Variants in KRT78 observed in about 807,000 individuals in gnomAD.
KRT78 encodes the protein keratin 78.
Under a neutral mutation model 51.4 loss-of-function variants are expected in KRT78, and 55 were observed. The ratio of observed to expected loss-of-function variants is 1.07; its 90% CI spans 0.86 to 1.34. The LOEUF is 1.34. Among genes scored for constraint, KRT78 ranks in the 40% most tolerant of loss-of-function variants. The probability of loss-of-function intolerance (pLI) is 0.00; values close to 1 mark genes in which losing one functional copy is unlikely to be tolerated. For missense variants in KRT78, 652 were observed against 649.4 expected (o/e 1.00, Z -0.04); for synonymous variants, 291 against 264.3 (o/e 1.10, Z -0.98).
At position 52,839,221 on chromosome 12, in the gene KRT78, G is replaced by C; in HGVS notation, c.1455C>G (p.Asp485Glu). The change falls in exon 9 of 9, where the codon GAC (aspartate) becomes GAG (glutamate). Residue 485 changes from aspartate (D) to glutamate (E), a missense_variant. Asp to Glu is a conservative substitution (Grantham distance 45). Coordinates refer to ENST00000304620, the MANE Select transcript of KRT78 (RefSeq NM_173352.4). ...ACACAGAGCAGGAATCCAAAACAGG[G>C]TCCTTCCCAGAGCCCAGAATGATGT... Reference protein sequence around the residue: ...GSNIILGSGKDPVLDSCSVSG... With the variant: ...GSNIILGSGKEPVLDSCSVSG... 1 of 1,612,080 alleles carries C rather than the reference G, an allele frequency of 6.2e-7. No homozygotes were observed. Among genetic ancestry groups the C allele is most frequent in the Non-Finnish European group, 8.5e-7 (1 of 1,179,332 alleles).
intron 3 of KRT78, 91 bp from the exon 4 acceptor site, chr12:52,846,383 C>T: frequency 2.5e-6 from 2 of 808,242 alleles, no homozygotes; most frequent in Middle Eastern, 2.2e-4. Context: ...CACTGCTCAA[C>T]ACCCATCCAC....
chr12:52,845,322 T>C (rs1940615436), intron 4 of KRT78, among the ~76,000 whole-genome samples: 1 of 152,064 alleles, frequency 6.6e-6, no homozygotes, highest in Non-Finnish European at 1.5e-5. Context: ...AGACCTCTTA[T>C]CATACTCCTC....
In KRT78 at chr12:52,838,254, G is replaced by C. The variant is rs974101667; in HGVS notation, c.*859C>G. On this transcript the variant is annotated 3_prime_UTR_variant, in exon 9 of 9. Transcript: ENST00000304620. Reference sequence around the variant, plus strand: ...GAGGCTGCTGGGGGTGTGTAGAAAAGGTGATCCTTCCAGCCCCTCCTGGCA... The same window carrying C: ...GAGGCTGCTGGGGGTGTGTAGAAAACGTGATCCTTCCAGCCCCTCCTGGCA... The C allele has an allele frequency of 6.6e-6, 1 of 152,140 alleles. No homozygotes were observed. Among genetic ancestry groups the C allele is most frequent in the African/African-American group, 2.4e-5 (1 of 41,406 alleles). The allele number at this position is 152,140 out of a possible 1,614,324, so 9.4% of individuals were successfully genotyped here.
In KRT78 at chr12:52,844,568, G is replaced by A. The variant is rs1592145721; in HGVS notation, c.912C>T (p.Tyr304=). The A allele has an allele frequency of 6.2e-7, 1 of 1,613,234 alleles. No individual in the cohort carries two copies. Among genetic ancestry groups the A allele is most frequent in the African/African-American group, 1.3e-5 (1 of 75,034 alleles). ...CCCCAGGTCCCACCACCTTGGTCTG[G>A]TACAAGGCCTCAGCCTCAGCCTTGC... ...RSSKAEAEAL[Y]QTKYQELQVS... Residue 304 remains tyrosine, a synonymous_variant, in exon 5 of 9, where the codon TAC becomes TAT. Transcript: ENST00000304620.
At chr12:52,846,316 A>AC (rs1360706632) in intron 3 of KRT78, 24 bp from the exon 4 acceptor site, 1 of 1,430,744 alleles carries the variant, frequency 7.0e-7, no homozygotes, top group East Asian at 2.3e-5. Context: ...GAGAGAGAAC[A>AC]CGTAACCCCC....
At position 52,838,131 on chromosome 12, in the gene KRT78, A is replaced by G. The variant is rs903522700; in HGVS notation, c.*982T>C. 1 of 151,922 alleles carries G rather than the reference A, an allele frequency of 6.6e-6. No individual in the cohort carries two copies. The highest frequency in any genetic ancestry group is 1.5e-5 in the Non-Finnish European group (1 of 68,006). The allele number at this position is 151,922 out of a possible 1,614,324, so 9.4% of individuals were successfully genotyped here. ...CTAAAGCAAGGAGAGGCGTAGTGTG[A>G]CCTCCTGCAGCCCAGACTATGGAGT... On this transcript the variant is annotated 3_prime_UTR_variant, in exon 9 of 9. Transcript: ENST00000304620.
chr12:52,847,728 G>C (rs372005980), intron 2 of KRT78, among the ~76,000 whole-genome samples, 179 bp downstream of exon 2: 1 of 152,036 alleles, frequency 6.6e-6, no homozygotes, highest in Non-Finnish European at 1.5e-5. Context: ...GGGACACCTC[G>C]TTTACCTGTA....
intron 6 of KRT78, among the ~76,000 whole-genome samples, chr12:52,840,449 T>C (rs572778191): frequency 3.7e-4 from 56 of 152,024 alleles, no homozygotes; most frequent in African/African-American, 1.3e-3. Flanking sequence ...ACGCCTGTAA[T>C]CCTAGCACTT....
At chr12:52,840,312 G>T (rs539337072) in intron 6 of KRT78, among the ~76,000 whole-genome samples, 2 of 151,982 alleles carry the variant, frequency 1.3e-5, no homozygotes, top group Non-Finnish European at 2.9e-5. Flanking sequence ...TGATCATATC[G>T]TACCATATTT....
intron 4 of KRT78, 23 bp from the exon 5 acceptor site, chr12:52,844,746 G>A: frequency 1.9e-6 from 3 of 1,591,478 alleles, no homozygotes; most frequent in Non-Finnish European, 2.6e-6. Flanking sequence ...CAGACTCAGT[G>A]TCCACTCACC....
chr12:52,844,831 C>A (rs944471546), intron 4 of KRT78, 108 bp from the exon 5 acceptor site: 1 of 1,081,706 alleles, frequency 9.2e-7, no homozygotes, highest in Non-Finnish European at 1.3e-6. Flanking sequence ...CCATGACCCC[C>A]ATTCATCCCA....
chr12:52,837,822 A>G lies in KRT78; in HGVS notation c.*1291T>C, dbSNP rs1052007195. On this transcript the variant is annotated 3_prime_UTR_variant, in exon 9 of 9. Transcript: ENST00000304620. Reference sequence around the variant, plus strand: ...GAAATTATACTTTTTCAAAAAGTCAATTTAATTGAACTACCTTGGATGAAT... The same window carrying G: ...GAAATTATACTTTTTCAAAAAGTCAGTTTAATTGAACTACCTTGGATGAAT... 1 of 152,270 alleles carries G rather than the reference A, an allele frequency of 6.6e-6. No individual in the cohort carries two copies. Among genetic ancestry groups the G allele is most frequent in the Non-Finnish European group, 1.5e-5 (1 of 68,054 alleles). 9.4% of individuals were successfully genotyped at this position (152,270 alleles called of 1,614,324 possible).
At chr12:52,843,557 G>T (rs1423467325) in intron 6 of KRT78, among the ~76,000 whole-genome samples, 4 of 148,444 alleles carry the variant, frequency 2.7e-5, no homozygotes, top group Non-Finnish European at 4.5e-5. Context: ...AAGCATGGTG[G>T]CACATGCCTG....
Position 52,848,170 on chromosome 12 carries a change from C to G in KRT78, c.385-49G>C, listed in dbSNP as rs536488672. On this transcript the variant is annotated intron_variant, in intron 1 of 8. Coordinates refer to ENST00000304620, the MANE Select transcript of KRT78 (RefSeq NM_173352.4). The stretch of plus-strand genomic sequence containing the variant: ...TGAGGCTCCTGTGGGACTCCCTGTG[C>G]ACAGCCTCTGGAAAGTAAAGCCTGA... 368 of 1,594,622 alleles carry G rather than the reference C, an allele frequency of 2.3e-4. 2 individuals carry two copies. The South Asian group carries it at 3.7e-3, about 16-fold the overall frequency.
intron 4 of KRT78, 113 bp from the exon 5 acceptor site, chr12:52,844,836 A>C: frequency 9.7e-7 from 1 of 1,028,990 alleles, no homozygotes; most frequent in Non-Finnish European, 1.4e-6. Flanking sequence ...ACCCCCATTC[A>C]TCCCAGGTGG....
intron 5 of KRT78, 77 bp from the exon 6 acceptor site, chr12:52,844,295 ACC>A (rs1247395832): frequency 6.7e-7 from 1 of 1,482,612 alleles, no homozygotes; most frequent in African/African-American, 1.4e-5. Flanking sequence ...TTGAAAAGCC[ACC>A]TCTCACTCCT....
rs1164016799 is a variant in KRT78 at position 52,839,900 on chromosome 12, G to T, written c.1132C>A (p.Leu378Met). 6.2e-7 allele frequency: 1 copy of T among 1,614,072 alleles called. No homozygotes were observed. The highest frequency in any genetic ancestry group is 2.2e-5 in the East Asian group (1 of 44,854). ...LKDAQAKVDE[L>M]EAALRMAKQN... ...TTGGCCATCCTCAGAGCAGCCTCCA[G>T]CTCGTCCACCTTGGCCTGAGCGTCC... Residue 378 changes from leucine to methionine, a missense_variant, in exon 7 of 9, where the codon CTG (leucine) becomes ATG (methionine). Coordinates refer to ENST00000304620, the MANE Select transcript of KRT78 (RefSeq NM_173352.4).
intron 4 of KRT78, 41 bp from the exon 5 acceptor site, chr12:52,844,764 C>T (rs767546572): frequency 2.6e-6 from 4 of 1,558,398 alleles, no homozygotes; most frequent in Non-Finnish European, 3.5e-6. Flanking sequence ...ACCCCCAGCT[C>T]CTTCTCCCCT....
At chr12:52,841,106 C>T (rs1452263980) in intron 6 of KRT78, among the ~76,000 whole-genome samples, 1 of 152,144 alleles carries the variant, frequency 6.6e-6, no homozygotes. Flanking sequence ...CAATGGTTCT[C>T]ATTTTTTTCA....
Sources: gnomAD v4.1 joint callset for allele counts (sites outside exome capture counted in the v4.1 genomes callset) on GRCh38, gnomAD v4.1.1 for gene constraint, MANE v1.5 for transcripts, NCBI Gene and HGNC (gene_info 2026-07-23, HGNC 2026-07-21) for gene names.